The following SERPINH1 variants were observed in gnomAD, a reference collection of about 807,000 sequenced individuals.
SERPINH1 encodes the protein serpin H1.
Under a neutral mutation model 32.3 loss-of-function variants are expected in SERPINH1, and 22 were observed. The observed-to-expected ratio is 0.68, with a 90% CI of 0.49 to 0.97. The LOEUF is 0.97. Among genes scored for constraint, SERPINH1 ranks in the 50% least tolerant of loss-of-function variants. The pLI, the probability that SERPINH1 is intolerant of heterozygous loss-of-function variation, is 0.00. For synonymous variants in SERPINH1, 251 were observed against 245.9 expected, an observed-to-expected ratio of 1.02 and a Z score of -0.19; for missense variants, 543 against 576.4, an observed-to-expected ratio of 0.94 and a Z score of 0.59.
At chr11:75,570,976 G>A (rs145537247) in intron 4 of SERPINH1, among the ~76,000 whole-genome samples, 2 of 152,146 alleles carry the variant, frequency 1.3e-5, no homozygotes, top group South Asian at 2.1e-4. Flanking sequence ...GGGGTGGGGC[G>A]TGCCAAGGGA....
chr11:75,567,145 CAGGT>C (rs1398071600), intron 2 of SERPINH1, among the ~76,000 whole-genome samples, 174 bp downstream of exon 2: 1 of 152,176 alleles, frequency 6.6e-6, no homozygotes, highest in Admixed American at 6.5e-5. Context: ...GATTCAGAGA[CAGGT>C]AGCAGCGTGT....
Position 75,565,161 on chromosome 11 carries a change from G to T in SERPINH1, c.-34-1155G>T, listed in dbSNP as rs1400456335. Among the ~76,000 whole-genome samples, 3 of 152,226 alleles carry T rather than the reference G, an allele frequency of 2.0e-5. No homozygotes were observed. The East Asian group carries it at 5.8e-4, about 29-fold the overall frequency. On this transcript the variant is annotated intron_variant, in intron 1 of 4. Coordinates refer to ENST00000358171, the MANE Select transcript of SERPINH1 (RefSeq NM_001235.5). Reference sequence around the variant, plus strand: ...TTGGAGGCCCCAGAGAGGGAACTGGGGCTTGTCCTTGGGGCCACTGCTACT... The same window carrying T: ...TTGGAGGCCCCAGAGAGGGAACTGGTGCTTGTCCTTGGGGCCACTGCTACT...
rs758458147 is a variant in SERPINH1, at chr11:75,569,052, G to C, written c.835G>C (p.Glu279Gln). The stretch of plus-strand genomic sequence containing the variant: ...CATGCCCCATCACGTGGAGCCTCTC[G>C]AGCGCCTTGAAAAGCTGCTAACCAA... The part of the protein sequence containing the change: ...ILMPHHVEPL[E>Q]RLEKLLTKEQ... Residue 279 changes from glutamate to glutamine, a missense_variant, in exon 4 of 5, where the codon GAG becomes CAG. This residue lies in a region of SERPINH1 where 427 missense variants were observed against 446.4 expected (regional missense o/e 0.96). Coordinates refer to ENST00000358171, the MANE Select transcript of SERPINH1 (RefSeq NM_001235.5). 41 of 1,614,176 alleles carry C rather than the reference G, an allele frequency of 2.5e-5. 1 individual carries two copies. In the South Asian group the frequency reaches 4.0e-4, roughly 16 times the overall value.
chr11:75,567,434 GCCT>G (rs1202177452), intron 2 of SERPINH1, among the ~76,000 whole-genome samples: 3 of 152,214 alleles, frequency 2.0e-5, no homozygotes, highest in African/African-American at 7.2e-5. Flanking sequence ...CAATTCTCCT[GCCT>G]CAGCCTCCTG....
Position 75,572,137 on chromosome 11 carries a change from A to G in SERPINH1, c.*54A>G. ...AGGCATCCAAAGGCTCCTGAGACACATGGGTGCTATTGGGGTTGGGGGGGA... is the reference window on the plus strand; with the variant it reads ...AGGCATCCAAAGGCTCCTGAGACACGTGGGTGCTATTGGGGTTGGGGGGGA... On this transcript the variant is annotated 3_prime_UTR_variant, in exon 5 of 5. Transcript: ENST00000358171. 1.5e-6 allele frequency: 2 copies of G among 1,310,856 alleles called. No individual in the cohort carries two copies. The highest frequency in any genetic ancestry group is 1.2e-5 in the South Asian group (1 of 85,194). The allele number at this position is 1,310,856 out of a possible 1,614,324, so 81.2% of individuals were successfully genotyped here.
Position 75,566,850 on chromosome 11 carries a change from C to A in SERPINH1, c.501C>A (p.Arg167=). ...CCAAGATCAACTTCCGCGACAAGCG[C>A]AGCGCGCTGCAGTCCATCAACGAGT... ...EHSKINFRDK[R]SALQSINEWA... The change falls in exon 2 of 5, where the codon CGC becomes CGA. Residue 167 remains arginine (R), a synonymous_variant. Transcript: ENST00000358171. 6.2e-7 allele frequency: 1 copy of A among 1,612,024 alleles called. No homozygotes were observed. Among genetic ancestry groups the A allele is most frequent in the Non-Finnish European group, 8.5e-7 (1 of 1,179,970 alleles).
intron 2 of SERPINH1, 57 bp downstream of exon 2, chr11:75,567,028 G>A: frequency 5.1e-6 from 8 of 1,557,478 alleles, no homozygotes; most frequent in Non-Finnish European, 6.9e-6. Context: ...CCCTGCAAGA[G>A]TTAGGACGAC....
intron 4 of SERPINH1, 108 bp downstream of exon 4, chr11:75,569,279 C>A: frequency 1.3e-6 from 1 of 783,432 alleles, no homozygotes; most frequent in Non-Finnish European, 2.1e-6. Flanking sequence ...CCCTGGATGT[C>A]CAGGCAGTGC....
intron 4 of SERPINH1, 41 bp downstream of exon 4, chr11:75,569,212 C>A: frequency 1.4e-6 from 2 of 1,478,164 alleles, no homozygotes; most frequent in Non-Finnish European, 9.3e-7. Flanking sequence ...GGCCTTGGAG[C>A]CAGGGGGAGG....
intron 4 of SERPINH1, among the ~76,000 whole-genome samples, chr11:75,570,010 A>G (rs1942169229): frequency 6.6e-6 from 1 of 151,844 alleles, no homozygotes; most frequent in African/African-American, 2.4e-5. Context: ...AACTTAACAC[A>G]CATTCTCAAG....
Position 75,566,657 on chromosome 11 carries a change from G to A in SERPINH1, c.308G>A (p.Arg103His), listed in dbSNP as rs1485163348. The A allele has an allele frequency of 1.2e-6, 2 of 1,607,608 alleles. No homozygotes were observed. The highest frequency in any genetic ancestry group is 2.2e-5 in the East Asian group (1 of 44,728). The change falls in exon 2 of 5, where the codon CGC becomes CAC. Residue 103 changes from arginine to histidine, a missense_variant. Arg to His is a conservative substitution (Grantham distance 29). This residue lies in a region of SERPINH1 where 427 missense variants were observed against 446.4 expected (regional missense o/e 0.96). Transcript: ENST00000358171. ...AKAVLSAEQL[R>H]DEEVHAGLGE... The stretch of plus-strand genomic sequence containing the variant: ...GCAGTGCTGAGCGCCGAGCAGCTGC[G>A]CGACGAGGAGGTGCACGCCGGCCTG...
intron 1 of SERPINH1, chr11:75,563,708 C>G (rs953899319): frequency 1.8e-4 from 28 of 152,870 alleles, no homozygotes; most frequent in African/African-American, 6.5e-4. Context: ...GCCCTCTTCA[C>G]TCTTCTGTTT....
chr11:75,569,350 T>C (rs993193899), intron 4 of SERPINH1, 179 bp downstream of exon 4: 45 of 604,898 alleles, frequency 7.4e-5, no homozygotes, highest in Middle Eastern at 4.4e-4. Context: ...GGGAAGATGA[T>C]GATAATACCA....
intron 1 of SERPINH1, among the ~76,000 whole-genome samples, chr11:75,564,753 C>T (rs1942043261): frequency 6.6e-6 from 1 of 152,176 alleles, no homozygotes; most frequent in African/African-American, 2.4e-5. Context: ...CTTCCCTCCT[C>T]TCCCCACCTC....
chr11:75,568,426 A>G (rs904643895), intron 2 of SERPINH1: 9 of 458,094 alleles, frequency 2.0e-5, no homozygotes, highest in African/African-American at 1.6e-4. Context: ...GACAAGTGCT[A>G]GAGCCGGGGG....
intron 1 of SERPINH1, among the ~76,000 whole-genome samples, chr11:75,564,913 T>C (rs532661899): frequency 6.6e-6 from 1 of 152,176 alleles, no homozygotes; most frequent in Non-Finnish European, 1.5e-5. Flanking sequence ...GCAGCCAGAG[T>C]CCTGAGGGTC....
chr11:75,568,631 C>G lies in SERPINH1; in HGVS notation c.623-100C>G. 3 of 773,872 alleles carry G rather than the reference C, an allele frequency of 3.9e-6. No homozygotes were observed. In the South Asian group the frequency reaches 4.3e-5, roughly 11 times the overall value. The allele number at this position is 773,872 out of a possible 1,614,324, so 47.9% of individuals were successfully genotyped here. ...TGAAGAATGGAGCAAAGACCTGTGG[C>G]AAGGATAAATCAAGGTCTGCAGCCG... On this transcript the variant is annotated intron_variant, in intron 2 of 4. Transcript: ENST00000358171.
At chr11:75,570,512 T>A (rs368852369) in intron 4 of SERPINH1, among the ~76,000 whole-genome samples, 1 of 152,010 alleles carries the variant, frequency 6.6e-6, no homozygotes, top group Non-Finnish European at 1.5e-5. Flanking sequence ...CCCCCAGATA[T>A]GGGGTAGATT....
intron 2 of SERPINH1, 29 bp downstream of exon 2, chr11:75,567,000 C>G: frequency 6.3e-7 from 1 of 1,588,964 alleles, no homozygotes; most frequent in Non-Finnish European, 8.5e-7. Flanking sequence ...CAGGGGTCCT[C>G]CTCCTCCTCC....
Sources: gnomAD v4.1 joint callset for allele counts (sites outside exome capture counted in the v4.1 genomes callset) on GRCh38, gnomAD v4.1.1 for gene constraint, gnomAD v4.1.1 regional missense constraint, MANE v1.5 for transcripts, NCBI Gene and HGNC (gene_info 2026-07-23, HGNC 2026-07-21) for gene names.